ATP6V0A4: variants seen among roughly 807,000 people sequenced by gnomAD.
ATP6V0A4 encodes the protein V-type proton ATPase 116 kDa subunit a 4.
In ATP6V0A4, 86 loss-of-function variants were observed where a neutral mutation model predicts 107.3. The ratio of observed to expected loss-of-function variants is 0.80; its 90% confidence interval spans 0.67 to 0.96. ATP6V0A4 has a LOEUF of 0.96. Ranked by LOEUF, ATP6V0A4 falls within the 40% of genes least tolerant of loss-of-function variation. The probability of loss-of-function intolerance (pLI) is 0.00; values close to 1 mark genes in which losing one functional copy is unlikely to be tolerated. For synonymous variants in ATP6V0A4, 353 were observed against 381.4 expected (o/e 0.93, Z 0.87); for missense variants, 908 against 1,045.6 (o/e 0.87, Z 1.81).
intron 2 of ATP6V0A4, among the ~76,000 whole-genome samples, chr7:138,782,892 T>A (rs779355736): frequency 3.5e-4 from 54 of 152,216 alleles, no homozygotes; most frequent in South Asian, 8.3e-4. Context: ...CTGGCCAACA[T>A]AGTGAAACCC....
At chr7:138,772,689 A>G (rs1197794421) in intron 2 of ATP6V0A4, among the ~76,000 whole-genome samples, 1 of 152,194 alleles carries the variant, frequency 6.6e-6, no homozygotes, top group Non-Finnish European at 1.5e-5. Flanking sequence ...TCTTGAAGCC[A>G]TTGCCACCAG....
intron 15 of ATP6V0A4, among the ~76,000 whole-genome samples, chr7:138,737,844 C>A (rs904950550): frequency 6.6e-6 from 1 of 151,714 alleles, no homozygotes; most frequent in Non-Finnish European, 1.5e-5. Context: ...TCACTGCAAC[C>A]TCCACCTCCC....
intron 1 of ATP6V0A4, among the ~76,000 whole-genome samples, chr7:138,796,747 T>TG (rs1438555622): frequency 0.13 from 20,280 of 152,060 alleles, 1,459 homozygotes; most frequent in Non-Finnish European, 0.16. Flanking sequence ...ATTTGAGTCT[T>TG]GCCAGGTTGC....
intron 2 of ATP6V0A4, among the ~76,000 whole-genome samples, chr7:138,784,281 CATAT>C (rs57155792): frequency 6.1e-5 from 7 of 114,528 alleles, no homozygotes; most frequent in African/African-American, 2.5e-4. Context: ...TATATATATA[CATAT>C]ATATACACAC....
At chr7:138,707,363 T>TTATATATATTTATATATATATTATATTA in intron 21 of ATP6V0A4, among the ~76,000 whole-genome samples, 1 of 100,090 alleles carries the variant, frequency 1.0e-5, no homozygotes, top group East Asian at 2.7e-4. Flanking sequence ...ATATATTATA[T>TTATATATATTTATATATATATTATATTA]TATATATATA....
At chr7:138,778,830 G>T (rs2130178716) in intron 2 of ATP6V0A4, among the ~76,000 whole-genome samples, 2 of 152,184 alleles carry the variant, frequency 1.3e-5, no homozygotes, top group Admixed American at 1.3e-4. Context: ...TGTTGGGGGT[G>T]TCAGAAGAAA....
chr7:138,776,115 G>C (rs559576288), intron 2 of ATP6V0A4, among the ~76,000 whole-genome samples: 4 of 152,142 alleles, frequency 2.6e-5, no homozygotes, highest in Non-Finnish European at 5.9e-5. Context: ...GCCTGGCCAA[G>C]ACTTGCATTT....
At chr7:138,795,550 T>C (rs1808618498) in intron 1 of ATP6V0A4, among the ~76,000 whole-genome samples, 2 of 152,246 alleles carry the variant, frequency 1.3e-5, no homozygotes, top group Non-Finnish European at 2.9e-5. Flanking sequence ...GCGTCCCACA[T>C]TAAATCGTTT....
rs746571093 is a variant in ATP6V0A4 at position 138,706,600 on chromosome 7, A to T, written c.*24T>A. The T allele has an allele frequency of 2.5e-6, 4 of 1,613,390 alleles. No homozygotes were observed. Among genetic ancestry groups the T allele is most frequent in the Non-Finnish European group, 3.4e-6 (4 of 1,179,600 alleles). ...AACTTCCTTCATTGGCATGGTGACC[A>T]CCGTGGGAGGTGCAGCCCTCAGCCT... On this transcript the variant is annotated 3_prime_UTR_variant, in exon 22 of 22. Coordinates refer to ENST00000310018, the MANE Select transcript of ATP6V0A4 (RefSeq NM_020632.3).
intron 10 of ATP6V0A4, among the ~76,000 whole-genome samples, chr7:138,754,218 G>A (rs1161844397): frequency 6.6e-6 from 1 of 152,096 alleles, no homozygotes; most frequent in Non-Finnish European, 1.5e-5. Context: ...GGAGGATGAG[G>A]TGGGTGGATC....
chr7:138,754,182 C>T (rs1346797597), intron 10 of ATP6V0A4, among the ~76,000 whole-genome samples: 1 of 152,154 alleles, frequency 6.6e-6, no homozygotes, highest in African/African-American at 2.4e-5. Flanking sequence ...GGCGCAGTGG[C>T]TCACGCCTGT....
chr7:138,726,338 G>A (rs1168186166), intron 18 of ATP6V0A4, among the ~76,000 whole-genome samples: 1 of 152,240 alleles, frequency 6.6e-6, no homozygotes, highest in Non-Finnish European at 1.5e-5. Flanking sequence ...CCTGAGATGT[G>A]GGAGTATGGG....
At chr7:138,731,615 AGGTGTGGT>A (rs1805019812) in intron 17 of ATP6V0A4, among the ~76,000 whole-genome samples, 1 of 152,116 alleles carries the variant, frequency 6.6e-6, no homozygotes, top group Admixed American at 6.6e-5. Flanking sequence ...AATATTGGCC[AGGTGTGGT>A]GGTTCACACC....
intron 19 of ATP6V0A4, among the ~76,000 whole-genome samples, chr7:138,718,279 GGTGTGT>G (rs777538832): frequency 0.018 from 234 of 12,954 alleles, 2 homozygotes; most frequent in Non-Finnish European, 0.019. Flanking sequence ...AAGGAATGGC[GGTGTGT>G]GTGTGTGTGT....
intron 11 of ATP6V0A4, among the ~76,000 whole-genome samples, chr7:138,750,415 A>T (rs1476516729): frequency 6.6e-6 from 1 of 152,068 alleles, no homozygotes; most frequent in Non-Finnish European, 1.5e-5. Context: ...TATGTTACAC[A>T]GGCTGGTCTT....
chr7:138,729,886 C>T (rs1804901579), intron 17 of ATP6V0A4, among the ~76,000 whole-genome samples: 6 of 152,152 alleles, frequency 3.9e-5, no homozygotes, highest in Admixed American at 3.9e-4. Context: ...TCCATCCTCA[C>T]TCAACTTTTT....
chr7:138,736,481 T>C (rs1805327773), intron 15 of ATP6V0A4, among the ~76,000 whole-genome samples: 1 of 152,190 alleles, frequency 6.6e-6, no homozygotes, highest in African/African-American at 2.4e-5. Flanking sequence ...TTACCACGTT[T>C]GTGCATAAGA....
intron 5 of ATP6V0A4, among the ~76,000 whole-genome samples, chr7:138,767,467 G>A (rs1807151394): frequency 6.6e-6 from 1 of 150,728 alleles, no homozygotes; most frequent in Non-Finnish European, 1.5e-5. Context: ...AGGTTGCAGT[G>A]AGCCGAGATC....
intron 5 of ATP6V0A4, among the ~76,000 whole-genome samples, chr7:138,767,087 G>T (rs1807127390): frequency 6.6e-6 from 1 of 152,132 alleles, no homozygotes; most frequent in Non-Finnish European, 1.5e-5. Context: ...TCCTTCTCAT[G>T]AAAGTGTTTT....
Sources: gnomAD v4.1 joint callset for allele counts (sites outside exome capture counted in the v4.1 genomes callset) on GRCh38, gnomAD v4.1.1 for gene constraint, MANE v1.5 for transcripts, NCBI Gene and HGNC (gene_info 2026-07-23, HGNC 2026-07-21) for gene names.